The following ENTHD1 variants were observed in gnomAD, a reference collection of about 807,000 sequenced individuals.
The protein encoded by ENTHD1 is ENTH domain-containing protein 1.
In ENTHD1, 23 loss-of-function variants were observed where a neutral mutation model predicts 39.1. That is an observed-to-expected ratio of 0.59 (90% confidence interval 0.42 to 0.83). The LOEUF is 0.83. Ranked by LOEUF, ENTHD1 falls within the 40% of genes least tolerant of loss-of-function variation. ENTHD1 has a pLI of 0.00. For synonymous variants in ENTHD1, 230 were observed against 258.2 expected, an observed-to-expected ratio of 0.89 and a Z score of 1.05; for missense variants, 624 against 705.4, an observed-to-expected ratio of 0.88 and a Z score of 1.31.
chr22:39,878,849 T>C (rs1226304613), intron 2 of ENTHD1, among the ~76,000 whole-genome samples: 1 of 152,046 alleles, frequency 6.6e-6, no homozygotes, highest in Non-Finnish European at 1.5e-5. Context: ...CTTACACATA[T>C]GCTTATGTAT....
intron 6 of ENTHD1, among the ~76,000 whole-genome samples, chr22:39,758,251 T>C (rs183147951): frequency 3.4e-4 from 52 of 152,252 alleles, no homozygotes; most frequent in Middle Eastern, 6.8e-3. Context: ...TACATATGCC[T>C]TTTATTTATT....
intron 2 of ENTHD1, 143 bp from the exon 3 acceptor site, chr22:39,862,150 T>C (rs536048356): frequency 1.7e-4 from 87 of 510,404 alleles, no homozygotes; most frequent in African/African-American, 1.6e-3. Flanking sequence ...GATAAGTATA[T>C]TCCTTTTCTT....
intron 6 of ENTHD1, 35 bp downstream of exon 6, chr22:39,765,188 G>T: frequency 6.5e-7 from 1 of 1,529,760 alleles, no homozygotes; most frequent in Non-Finnish European, 8.8e-7. Context: ...GTGTGTGTGT[G>T]TGTGTGTGTG....
intron 5 of ENTHD1, among the ~76,000 whole-genome samples, chr22:39,784,025 T>C (rs1474844793): frequency 6.6e-6 from 1 of 152,046 alleles, no homozygotes; most frequent in African/African-American, 2.4e-5. Context: ...ATAATCAGAA[T>C]ATATTAGGAG....
intron 5 of ENTHD1, among the ~76,000 whole-genome samples, chr22:39,789,061 C>T (rs1487663148): frequency 6.6e-6 from 1 of 152,006 alleles, no homozygotes; most frequent in Non-Finnish European, 1.5e-5. Flanking sequence ...TGGAATGGAA[C>T]CCATAATACA....
At position 39,743,950 on chromosome 22, in the gene ENTHD1, GT is replaced by G. The variant is rs1401141437; in HGVS notation, c.1552del (p.Thr518ProfsTer4). 6.2e-7 allele frequency: 1 copy of G among 1,614,078 alleles called. No homozygotes were observed. The highest frequency in any genetic ancestry group is 2.2e-5 in the East Asian group (1 of 44,882). On this transcript the variant is annotated frameshift_variant, in exon 7 of 7. Transcript: ENST00000325157. LOFTEE classifies it low-confidence loss of function (END_TRUNC). The stretch of plus-strand genomic sequence containing the variant: ...AGGGATGAACTGGTCTACATTTTGG[GT>G]GGAAAACTCCCCCCAGTGACTACTA... ...ISSSHWGEFS[T>X]QNVDQFIPLS... is the part of the protein sequence containing the mutation.
At chr22:39,879,824 A>G (rs988576593) in intron 2 of ENTHD1, among the ~76,000 whole-genome samples, 1 of 152,190 alleles carries the variant, frequency 6.6e-6, no homozygotes, top group African/African-American at 2.4e-5. Context: ...AACTTCATAC[A>G]GTTGTTTATT....
At chr22:39,799,783 G>T (rs192001594) in intron 5 of ENTHD1, among the ~76,000 whole-genome samples, 1 of 152,342 alleles carries the variant, frequency 6.6e-6, no homozygotes, top group Admixed American at 6.5e-5. Context: ...TGTCCACAAT[G>T]ACCTGGGCAG....
chr22:39,819,447 G>A (rs532960240), intron 5 of ENTHD1, among the ~76,000 whole-genome samples: 1 of 151,738 alleles, frequency 6.6e-6, no homozygotes, highest in Non-Finnish European at 1.5e-5. Context: ...GAAAAGATAT[G>A]GAGGAACCCA....
chr22:39,870,459 A>G (rs2066233005), intron 2 of ENTHD1, among the ~76,000 whole-genome samples: 1 of 152,208 alleles, frequency 6.6e-6, no homozygotes, highest in Admixed American at 6.5e-5. Context: ...TAATAGAAAA[A>G]AAGCAATATT....
chr22:39,813,090 T>A (rs1569151173), intron 5 of ENTHD1, among the ~76,000 whole-genome samples: 1 of 152,138 alleles, frequency 6.6e-6, no homozygotes, highest in Non-Finnish European at 1.5e-5. Flanking sequence ...GCCCAGTGCT[T>A]TGTCTTCACA....
chr22:39,747,312 G>A (rs978482300), intron 6 of ENTHD1, among the ~76,000 whole-genome samples: 6 of 152,068 alleles, frequency 3.9e-5, no homozygotes, highest in African/African-American at 1.5e-4. Context: ...AATTCTCTTT[G>A]TTTAGCACCA....
intron 3 of ENTHD1, among the ~76,000 whole-genome samples, chr22:39,854,712 A>G (rs1053474659): frequency 6.6e-6 from 1 of 152,182 alleles, no homozygotes; most frequent in Non-Finnish European, 1.5e-5. Flanking sequence ...AAGAAAAAAA[A>G]AAAGAAGTAG....
chr22:39,889,925 T>C (rs1446916048), intron 1 of ENTHD1, among the ~76,000 whole-genome samples: 1 of 151,728 alleles, frequency 6.6e-6, no homozygotes, highest in Non-Finnish European at 1.5e-5. Flanking sequence ...GGTGAAACCC[T>C]ATCTCTACTA....
chr22:39,820,863 C>T, intron 5 of ENTHD1, 130 bp downstream of exon 5: 1 of 880,782 alleles, frequency 1.1e-6, no homozygotes, highest in Non-Finnish European at 1.7e-6. Context: ...GATTATAGGA[C>T]CATGTTGTGG....
intron 2 of ENTHD1, among the ~76,000 whole-genome samples, chr22:39,866,782 C>T (rs2063870854): frequency 6.6e-6 from 1 of 152,204 alleles, no homozygotes; most frequent in African/African-American, 2.4e-5. Context: ...TGTCTTTTCC[C>T]TCCAATTAAC....
intron 2 of ENTHD1, among the ~76,000 whole-genome samples, chr22:39,869,998 T>TATTTATTC (rs1555943427): frequency 0.013 from 1,900 of 150,294 alleles, 25 homozygotes; most frequent in East Asian, 0.07. Flanking sequence ...TTTATTTATT[T>TATTTATTC]ATTTATTTAT....
At chr22:39,786,316 C>T (rs776716986) in intron 5 of ENTHD1, among the ~76,000 whole-genome samples, 9 of 152,110 alleles carry the variant, frequency 5.9e-5, no homozygotes, top group Non-Finnish European at 1.2e-4. Flanking sequence ...GTATATACAT[C>T]GTGAAGTGAT....
intron 5 of ENTHD1, among the ~76,000 whole-genome samples, chr22:39,770,218 C>G (rs2065310949): frequency 6.6e-6 from 1 of 152,136 alleles, no homozygotes; most frequent in African/African-American, 2.4e-5. Context: ...ATACCGTGTT[C>G]ATACTTTGCC....
Sources: allele counts gnomAD v4.1 joint callset (sites outside exome capture counted in the v4.1 genomes callset), GRCh38; gene constraint gnomAD v4.1.1; transcripts MANE v1.5; gene names NCBI Gene and HGNC (gene_info 2026-07-23, HGNC 2026-07-21).